HERC2: variants seen among roughly 807,000 people sequenced by gnomAD.
HERC2 encodes the protein E3 ubiquitin-protein ligase HERC2.
Under a neutral mutation model 537.7 loss-of-function variants are expected in HERC2, and 102 were observed. The ratio of observed to expected loss-of-function variants is 0.19; its 90% confidence interval spans 0.16 to 0.22. HERC2 has a LOEUF of 0.22. Ranked by LOEUF, HERC2 falls within the 10% of genes least tolerant of loss-of-function variation. HERC2 has a pLI of 1.00. For missense variants in HERC2, 4,236 were observed against 6,198.2 expected (o/e 0.68, Z 10.63); for synonymous variants, 2,224 against 2,466.2 (o/e 0.90, Z 2.91).
In HERC2 at chr15:28,228,210, A is replaced by C. The variant is rs575456303; in HGVS notation, c.5464+8T>G. ...TTCCCAAAGGCGCTCAAGCGGGTGC[A>C]GACCTACCAATCAGGCGCAGTGCCG... On this transcript the variant is annotated splice_region_variant and intron_variant, in intron 35 of 92. Coordinates refer to ENST00000261609, the MANE Select transcript of HERC2 (RefSeq NM_004667.6). 1.9e-6 allele frequency: 3 copies of C among 1,612,472 alleles called. No individual in the cohort carries two copies. The East Asian group carries it at 6.7e-5, about 36-fold the overall frequency.
Position 28,225,987 on chromosome 15 carries a change from A to G in HERC2, c.5464+2231T>C, listed in dbSNP as rs528249987. Among the ~76,000 whole-genome samples, 4 of 152,314 alleles carry G rather than the reference A, an allele frequency of 2.6e-5. No homozygotes were observed. In the East Asian group the frequency reaches 7.7e-4, roughly 29 times the overall value. Reference sequence around the variant, plus strand: ...CAACAAAGAAAAGCTTAGCTGGTCAACTCTACCAAAGATTTAAAGCAGAAT... The same window carrying G: ...CAACAAAGAAAAGCTTAGCTGGTCAGCTCTACCAAAGATTTAAAGCAGAAT... On this transcript the variant is annotated intron_variant, in intron 35 of 92. Transcript: ENST00000261609.
rs140073033 is a variant in HERC2 at position 28,229,535 on chromosome 15, T to C, written c.5045A>G (p.Asn1682Ser). ...ATACTGCACAGATGGAAGTAAGAAA[T>C]TCTTGCTCGCCAGTTTTAAAATTGT... ...IDTILKLASK[N>S]FLLPSVQYAM... The change falls in exon 33 of 93, where the codon AAT becomes AGT. Residue 1682 changes from asparagine to serine, a missense_variant. Physicochemically the swap from Asn to Ser is conservative, Grantham distance 46 (BLOSUM62 1). Around this residue, in one of 27 missense-constraint regions of HERC2, gnomAD observed 343 missense variants for 417.2 expected, o/e 0.82. Transcript: ENST00000261609. The C allele has an allele frequency of 1.4e-4, 226 of 1,613,784 alleles. No homozygotes were observed. Among genetic ancestry groups the C allele is most frequent in the Non-Finnish European group, 1.9e-4 (224 of 1,179,860 alleles).
chr15:28,236,313 G>C lies in HERC2; in HGVS notation c.4003+650C>G, dbSNP rs2346096. Among the ~76,000 whole-genome samples, 582 of 151,278 alleles carry C rather than the reference G, an allele frequency of 3.8e-3. 10 individuals are homozygous for C. In the East Asian group the frequency reaches 0.048, roughly 13 times the overall value. On this transcript the variant is annotated intron_variant, in intron 26 of 92. Coordinates refer to ENST00000261609, the MANE Select transcript of HERC2 (RefSeq NM_004667.6). ...TTGAATCCGCCTCTCCTTTTGAGAC[G>C]GAGTCTCGCTCTTGTCACCAAGGCT...
At chr15:28,211,518 C>T (rs1254969520) in intron 43 of HERC2, among the ~76,000 whole-genome samples, 2 of 152,126 alleles carry the variant, frequency 1.3e-5, no homozygotes, top group African/African-American at 4.8e-5. Context: ...ATCTGTCAGC[C>T]CCACTAGCTC....
intron 88 of HERC2, among the ~76,000 whole-genome samples, chr15:28,116,391 A>G (rs1319808662): frequency 1.3e-5 from 2 of 151,198 alleles, no homozygotes; most frequent in East Asian, 1.9e-4. Context: ...TTTTTTTTGT[A>G]TTTTTACTAG....
At chr15:28,156,842 GA>G (rs1295930567) in intron 69 of HERC2, among the ~76,000 whole-genome samples, 1 of 152,158 alleles carries the variant, frequency 6.6e-6, no homozygotes, top group Non-Finnish European at 1.5e-5. Context: ...TTTTCAAAGG[GA>G]ATGCTTCCAG....
At chr15:28,141,388 G>C in intron 78 of HERC2, 44 bp downstream of exon 78, 5 of 1,570,962 alleles carry the variant, frequency 3.2e-6, no homozygotes, top group Non-Finnish European at 4.4e-6. Flanking sequence ...AGCCACAACT[G>C]CCTCAGGCTC....
chr15:28,116,220 T>G (rs1595970102), intron 88 of HERC2, among the ~76,000 whole-genome samples: 1 of 95,736 alleles, frequency 1.0e-5, no homozygotes, highest in East Asian at 4.1e-4. Context: ...TCTTTTCTTT[T>G]TCTTTTTTTT....
At position 28,186,388 on chromosome 15, in the gene HERC2, T is replaced by G. The variant is rs1316893493; in HGVS notation, c.8825+189A>C. Among the ~76,000 whole-genome samples, 5 of 152,242 alleles carry G rather than the reference T, an allele frequency of 3.3e-5. 1 individual carries two copies. Among genetic ancestry groups the G allele is most frequent in the Non-Finnish European group, 7.3e-5 (5 of 68,046 alleles). On this transcript the variant is annotated intron_variant, in intron 56 of 92. Coordinates refer to ENST00000261609, the MANE Select transcript of HERC2 (RefSeq NM_004667.6). ...TTTAATGGTATTTTTCTAAATATAA[T>G]GTGTTTCTACATTAAACACTTTATT...
intron 55 of HERC2, chr15:28,190,489 C>T: frequency 6.3e-6 from 1 of 159,784 alleles, no homozygotes; most frequent in Admixed American, 6.1e-5. Context: ...CAAACTTTTC[C>T]AGAGATAAAC....
chr15:28,194,104 C>T (rs1238519028), intron 52 of HERC2, among the ~76,000 whole-genome samples: 3 of 150,480 alleles, frequency 2.0e-5, no homozygotes, highest in Non-Finnish European at 4.4e-5. Context: ...CTCCCTCTGC[C>T]ACCCAGGCTG....
intron 2 of HERC2, among the ~76,000 whole-genome samples, chr15:28,319,584 C>CAAAA (rs1168038967): frequency 1.9e-4 from 11 of 58,256 alleles, no homozygotes; most frequent in Admixed American, 3.7e-4. Context: ...GACTGCGTCT[C>CAAAA]AAAAAAAAAA....
At chr15:28,277,630 G>A (rs923896232) in intron 5 of HERC2, among the ~76,000 whole-genome samples, 9 of 152,058 alleles carry the variant, frequency 5.9e-5, no homozygotes, top group African/African-American at 9.7e-5. Flanking sequence ...AGTTTGATTC[G>A]ACAAACACAC....
At chr15:28,288,856 A>C (rs1402947785) in intron 4 of HERC2, among the ~76,000 whole-genome samples, 1 of 151,786 alleles carries the variant, frequency 6.6e-6, no homozygotes, top group African/African-American at 2.4e-5. Flanking sequence ...CTCAAAAAAA[A>C]AAAAAAAAGA....
Position 28,202,413 on chromosome 15 carries a change from T to C in HERC2, c.7414A>G (p.Arg2472Gly). Residue 2472 changes from arginine (R) to glycine (G), a missense_variant, in exon 46 of 93, where the codon AGA becomes GGA. By Grantham distance (125) the Arg-to-Gly change is moderately radical. Coordinates refer to ENST00000261609, the MANE Select transcript of HERC2 (RefSeq NM_004667.6). Reference sequence around the variant, plus strand: ...TTCAGGGCAAACTCGATGTTCCTTCTGGAAAATCCCATCTCCATGAGCTGC... The same window carrying C: ...TTCAGGGCAAACTCGATGTTCCTTCCGGAAAATCCCATCTCCATGAGCTGC... ...VVQLMEMGFSRRNIEFALKSL... is the reference protein window; with the variant it reads ...VVQLMEMGFSGRNIEFALKSL... 2 of 1,608,178 alleles carry C rather than the reference T, an allele frequency of 1.2e-6. No individual in the cohort carries two copies. Among genetic ancestry groups the C allele is most frequent in the Non-Finnish European group, 1.7e-6 (2 of 1,175,806 alleles).
intron 84 of HERC2, 68 bp from the exon 85 acceptor site, chr15:28,124,302 T>G (rs924941378): frequency 1.8e-6 from 2 of 1,088,462 alleles, no homozygotes; most frequent in Non-Finnish European, 2.5e-6. Context: ...GTGGCATCCA[T>G]TAAGGATTCT....
chr15:28,180,334 T>C (rs1447984687), intron 57 of HERC2, among the ~76,000 whole-genome samples: 1 of 152,238 alleles, frequency 6.6e-6, no homozygotes, highest in Non-Finnish European at 1.5e-5. Flanking sequence ...GTACACTCTA[T>C]CATTTTCCAA....
chr15:28,177,055 C>A lies in HERC2; in HGVS notation c.9327G>T (p.Ser3109=), dbSNP rs773588588. 8.1e-6 allele frequency: 13 copies of A among 1,613,948 alleles called. No individual in the cohort carries two copies. The highest frequency in any genetic ancestry group is 1.1e-5 in the South Asian group (1 of 91,086). The stretch of plus-strand genomic sequence containing the variant: ...CGCTGGATGTGAGGGCTGCGCTGTG[C>A]GAGCTCCCACAGGCGATATCCCGGA... ...KRIRDIACGS[S]HSAALTSSGE... Residue 3109 remains serine (S), a synonymous_variant, in exon 61 of 93, where the codon TCG becomes TCT. Transcript: ENST00000261609. The surrounding 1 kb of genome is among the most constrained non-coding windows in gnomAD (Gnocchi z 5.0).
Position 28,113,237 on chromosome 15 carries a change from G to A in HERC2, c.14066C>T (p.Ala4689Val). The change falls in exon 92 of 93, where the codon GCC (alanine) becomes GTC (valine). Residue 4689 changes from alanine to valine, a missense_variant. Transcript: ENST00000261609. This position sits in a 1 kb window ranked among gnomAD's most constrained non-coding sequence, Gnocchi z 7.0. The part of the protein sequence containing the change: ...DIPLHLLKSV[A>V]TYKGIEPSAS... ...GGAAGGCTCGATGCCTTTATAGGTG[G>A]CCACCGACTTGAGAAGGTGCAGCGG... 6.2e-7 allele frequency: 1 copy of A among 1,614,120 alleles called. No individual in the cohort carries two copies. Among genetic ancestry groups the A allele is most frequent in the Non-Finnish European group, 8.5e-7 (1 of 1,180,036 alleles).
Sources: allele counts gnomAD v4.1 joint callset (sites outside exome capture counted in the v4.1 genomes callset), GRCh38; gene constraint gnomAD v4.1.1; regional missense constraint gnomAD v4.1.1; non-coding constraint Gnocchi (gnomAD v3.1); transcripts MANE v1.5; gene names NCBI Gene and HGNC (gene_info 2026-07-23, HGNC 2026-07-21).